CSMD1: variants seen among roughly 807,000 people sequenced by gnomAD.
CSMD1 encodes CUB and sushi domain-containing protein 1.
In CSMD1, 213 loss-of-function variants were observed where a neutral mutation model predicts 417.5. That is an observed-to-expected ratio of 0.51 (90% CI 0.46 to 0.57). The LOEUF is 0.57. Ranked by LOEUF, CSMD1 falls within the 20% of genes least tolerant of loss-of-function variation. The pLI is 0.00. For synonymous variants in CSMD1, 2,862 were observed against 1,736.8 expected, an observed-to-expected ratio of 1.65 and a Z score of -16.11; for missense variants, 6,923 against 4,529.7, an observed-to-expected ratio of 1.53 and a Z score of -15.17.
intron 47 of CSMD1, 149 bp downstream of exon 47, chr8:3,096,700 A>C: frequency 1.7e-6 from 1 of 603,992 alleles, no homozygotes; most frequent in South Asian, 2.2e-5. Context: ...GAGAATGCAT[A>C]ACCCCAAACT....
At chr8:3,600,318 G>T (rs915884999) in intron 8 of CSMD1, among the ~76,000 whole-genome samples, 2 of 152,186 alleles carry the variant, frequency 1.3e-5, no homozygotes, top group Non-Finnish European at 2.9e-5. Context: ...TAATGCTGTT[G>T]AAGGGTGGAG....
intron 3 of CSMD1, among the ~76,000 whole-genome samples, chr8:4,056,746 T>A (rs1163727162): frequency 2.0e-5 from 3 of 152,024 alleles, no homozygotes; most frequent in Non-Finnish European, 4.4e-5. Context: ...CCATGCGTTC[T>A]CATTGTTCAA....
At chr8:3,349,866 AATATATTTATATCTATAT>A (rs1808282683) in intron 21 of CSMD1, among the ~76,000 whole-genome samples, 1 of 95,280 alleles carries the variant, frequency 1.0e-5, no homozygotes, top group Non-Finnish European at 2.2e-5. Flanking sequence ...TAATTATATA[AATATATTTATATCTATAT>A]ATATATTTAT....
At chr8:4,775,841 T>G (rs1796827094) in intron 1 of CSMD1, among the ~76,000 whole-genome samples, 1 of 152,132 alleles carries the variant, frequency 6.6e-6, no homozygotes. Context: ...CTTAATATTG[T>G]TAAGAAATAT....
At chr8:3,349,313 A>G (rs1487098301) in intron 21 of CSMD1, among the ~76,000 whole-genome samples, 1 of 152,136 alleles carries the variant, frequency 6.6e-6, no homozygotes, top group African/African-American at 2.4e-5. Flanking sequence ...AACGAACACA[A>G]TCAGCTACAT....
intron 5 of CSMD1, among the ~76,000 whole-genome samples, chr8:3,883,771 G>T (rs1184056501): frequency 6.6e-6 from 1 of 151,946 alleles, no homozygotes; most frequent in Non-Finnish European, 1.5e-5. Flanking sequence ...AATCCACAGG[G>T]AAAAAGCAGC....
chr8:3,855,563 A>G (rs1293475110), intron 5 of CSMD1, among the ~76,000 whole-genome samples: 1 of 152,206 alleles, frequency 6.6e-6, no homozygotes, highest in Admixed American at 6.5e-5. Flanking sequence ...TAACAGAAAT[A>G]CTGATTAACT....
At chr8:4,489,224 C>G (rs750819683) in intron 2 of CSMD1, among the ~76,000 whole-genome samples, 1 of 152,174 alleles carries the variant, frequency 6.6e-6, no homozygotes, top group Non-Finnish European at 1.5e-5. Flanking sequence ...CTAAATACTT[C>G]TTACATATTT....
At chr8:4,059,069 G>T (rs1227390471) in intron 3 of CSMD1, among the ~76,000 whole-genome samples, 2 of 152,090 alleles carry the variant, frequency 1.3e-5, no homozygotes, top group East Asian at 1.9e-4. Context: ...AAATGTAAAA[G>T]AACAGAAATT....
At chr8:4,025,492 A>G (rs1158951637) in intron 4 of CSMD1, among the ~76,000 whole-genome samples, 13 of 152,250 alleles carry the variant, frequency 8.5e-5, no homozygotes, top group Admixed American at 8.5e-4. Flanking sequence ...ATTTAAATCA[A>G]GAGGCAAAAG....
chr8:4,968,927 C>G (rs973003127), intron 1 of CSMD1, among the ~76,000 whole-genome samples: 5 of 152,172 alleles, frequency 3.3e-5, no homozygotes, highest in Non-Finnish European at 7.4e-5. Context: ...TCAGCCCAAA[C>G]ATTTTGTCAT....
chr8:4,767,423 A>T (rs1307989839), intron 1 of CSMD1, among the ~76,000 whole-genome samples: 1 of 152,180 alleles, frequency 6.6e-6, no homozygotes, highest in Non-Finnish European at 1.5e-5. Context: ...CATTCTCATT[A>T]AAACATCATC....
At chr8:3,545,621 G>A (rs1038643216) in intron 10 of CSMD1, among the ~76,000 whole-genome samples, 2 of 152,184 alleles carry the variant, frequency 1.3e-5, no homozygotes, top group Non-Finnish European at 2.9e-5. Context: ...CGTAACCCAA[G>A]TTGAGCAATT....
chr8:3,285,498 T>A (rs1232998282), intron 25 of CSMD1, among the ~76,000 whole-genome samples: 1 of 151,974 alleles, frequency 6.6e-6, no homozygotes, highest in Non-Finnish European at 1.5e-5. Context: ...GTGATTCTCC[T>A]GCCTCAGCCT....
intron 8 of CSMD1, among the ~76,000 whole-genome samples, chr8:3,600,876 T>G (rs1490360571): frequency 6.6e-6 from 1 of 152,104 alleles, no homozygotes. Flanking sequence ...ATTAATTAAA[T>G]AAATGATTTC....
chr8:4,123,755 G>C (rs1227816298), intron 3 of CSMD1, among the ~76,000 whole-genome samples: 3 of 152,136 alleles, frequency 2.0e-5, no homozygotes, highest in Non-Finnish European at 4.4e-5. Context: ...TGTTTATGCT[G>C]TGATAATTTA....
intron 1 of CSMD1, among the ~76,000 whole-genome samples, chr8:4,893,839 G>C (rs1804292563): frequency 6.6e-6 from 1 of 152,086 alleles, no homozygotes; most frequent in Non-Finnish European, 1.5e-5. Context: ...ACGGTGAGTA[G>C]CATACAGTTG....
intron 25 of CSMD1, among the ~76,000 whole-genome samples, chr8:3,291,315 G>C (rs1299230227): frequency 1.3e-5 from 2 of 151,742 alleles, no homozygotes; most frequent in Non-Finnish European, 2.9e-5. Flanking sequence ...GTCAGGCTTT[G>C]CTTTCAGGGT....
At chr8:3,846,259 T>A (rs1283902028) in intron 5 of CSMD1, among the ~76,000 whole-genome samples, 1 of 152,190 alleles carries the variant, frequency 6.6e-6, no homozygotes, top group African/African-American at 2.4e-5. Flanking sequence ...CACCACGCTA[T>A]GGCATTATGA....
Sources: allele counts gnomAD v4.1 joint callset (sites outside exome capture counted in the v4.1 genomes callset), GRCh38; gene constraint gnomAD v4.1.1; transcripts MANE v1.5; gene names NCBI Gene and HGNC (gene_info 2026-07-23, HGNC 2026-07-21).